CDH4: variants seen among roughly 807,000 people sequenced by gnomAD.
The protein encoded by CDH4 is cadherin-4.
In CDH4, 33 loss-of-function variants were observed where a neutral mutation model predicts 86.0. The ratio of observed to expected loss-of-function variants is 0.38; its 90% CI spans 0.29 to 0.51. The LOEUF (loss-of-function observed/expected upper bound fraction) is 0.51, where lower values mean the gene tolerates loss of function less well. CDH4 is among the 20% of genes least tolerant of loss of function. The probability of loss-of-function intolerance (pLI) is 0.86; values close to 1 mark genes in which losing one functional copy is unlikely to be tolerated. For missense variants in CDH4, 1,114 were observed against 1,307.4 expected (o/e 0.85, Z 2.28); for synonymous variants, 555 against 549.4 (o/e 1.01, Z -0.14).
At position 61,706,045 on chromosome 20, in the gene CDH4, CCAGA is replaced by C. The variant is rs1330607027; in HGVS notation, c.170-37513_170-37510del. 1.2e-4 allele frequency among the ~76,000 whole-genome samples: 18 copies of C among 152,334 alleles called. No homozygotes were observed. The East Asian group carries it at 3.1e-3, about 26-fold the overall frequency. ...GATCTGAAAGCCCTGTTCTTCCCTT[CCAGA>C]CAGAGAGCAAGCCGTCCCACCCCAT... is the stretch of plus-strand genomic sequence containing the variant. On this transcript the variant is annotated intron_variant, in intron 2 of 15. Transcript: ENST00000614565.
intron 4 of CDH4, among the ~76,000 whole-genome samples, chr20:61,796,116 C>T (rs1334723634): frequency 4.6e-5 from 7 of 152,178 alleles, no homozygotes; most frequent in African/African-American, 1.7e-4. Context: ...CCGCTGCCTC[C>T]TCACCCTGTG....
intron 2 of CDH4, among the ~76,000 whole-genome samples, chr20:61,535,337 G>A (rs1319418576): frequency 1.3e-5 from 2 of 152,202 alleles, no homozygotes; most frequent in South Asian, 2.1e-4. Flanking sequence ...GGACAGCCCC[G>A]GGGCGGCCCT....
chr20:61,408,114 G>A (rs6587265), intron 2 of CDH4, among the ~76,000 whole-genome samples: 2,543 of 152,168 alleles, frequency 0.017, 91 homozygotes, highest in African/African-American at 0.058. Flanking sequence ...CCTCTCCATC[G>A]TCAAGTGTCC....
At chr20:61,793,866 C>T (rs112184550) in intron 4 of CDH4, among the ~76,000 whole-genome samples, 29,057 of 142,484 alleles carry the variant, frequency 0.2, 3,029 homozygotes, top group Admixed American at 0.25. Flanking sequence ...AGGCCAGGTA[C>T]GGTGGCTCAC....
At chr20:61,587,911 T>C (rs769141215) in intron 2 of CDH4, among the ~76,000 whole-genome samples, 2 of 152,164 alleles carry the variant, frequency 1.3e-5, no homozygotes, top group Non-Finnish European at 2.9e-5. Flanking sequence ...CCACGTTAAA[T>C]TGATTCTCAC....
At chr20:61,772,727 C>T (rs2088788316) in intron 3 of CDH4, among the ~76,000 whole-genome samples, 1 of 152,136 alleles carries the variant, frequency 6.6e-6, no homozygotes. Flanking sequence ...GTGACATTGT[C>T]CACTATATTT....
intron 3 of CDH4, among the ~76,000 whole-genome samples, chr20:61,759,478 A>G (rs1381475520): frequency 6.6e-6 from 1 of 152,166 alleles, no homozygotes; most frequent in Non-Finnish European, 1.5e-5. Flanking sequence ...TCTGGGCGCC[A>G]GGGCTCTGGA....
At chr20:61,515,020 G>T (rs187121782) in intron 2 of CDH4, among the ~76,000 whole-genome samples, 2 of 152,224 alleles carry the variant, frequency 1.3e-5, no homozygotes, top group African/African-American at 4.8e-5. Flanking sequence ...AAAACAAGAC[G>T]CCAGCTCTTC....
intron 2 of CDH4, among the ~76,000 whole-genome samples, chr20:61,495,032 G>A (rs2085650462): frequency 1.3e-5 from 2 of 152,250 alleles, no homozygotes; most frequent in Admixed American, 1.3e-4. Context: ...AGTAACAGGG[G>A]CTGAGTTCAA....
At chr20:61,844,583 A>G (rs1982339073) in intron 4 of CDH4, 85 bp from the exon 5 acceptor site, 13 of 1,340,408 alleles carry the variant, frequency 9.7e-6, no homozygotes, top group Middle Eastern at 1.9e-4. Context: ...CGAGGAACTC[A>G]TGAGAGGGGA....
At chr20:61,806,673 C>A (rs962679068) in intron 4 of CDH4, among the ~76,000 whole-genome samples, 1 of 152,308 alleles carries the variant, frequency 6.6e-6, no homozygotes. Flanking sequence ...AGCTGCCTCA[C>A]CTTTCCCTTG....
At chr20:61,525,053 G>A (rs929216108) in intron 2 of CDH4, among the ~76,000 whole-genome samples, 4 of 152,178 alleles carry the variant, frequency 2.6e-5, no homozygotes, top group African/African-American at 4.8e-5. Flanking sequence ...GAAATTATGC[G>A]GGGCGGGTCA....
chr20:61,284,848 G>A (rs533349161), intron 2 of CDH4, among the ~76,000 whole-genome samples: 5 of 152,178 alleles, frequency 3.3e-5, no homozygotes, highest in African/African-American at 9.7e-5. Flanking sequence ...GCCAGATGTC[G>A]GGACCCACTC....
Position 61,934,320 on chromosome 20 carries a change from T to C in CDH4, c.2544+100T>C, listed in dbSNP as rs889884374. 58 of 1,319,796 alleles carry C rather than the reference T, an allele frequency of 4.4e-5. No individual in the cohort carries two copies. In the South Asian group the frequency reaches 7.9e-4, roughly 18 times the overall value. The allele number at this position is 1,319,796 out of a possible 1,614,324, so 81.8% of individuals were successfully genotyped here. A position where few individuals can be genotyped will look rare whatever the true frequency, so the allele number is the denominator to read the frequency against. On this transcript the variant is annotated intron_variant, in intron 15 of 15. Transcript: ENST00000614565. ...AAGCCATCTCCACAGTGCCGGCGGC[T>C]GCCGTGGGTGGGAGGCAGCTCAGAC...
intron 3 of CDH4, among the ~76,000 whole-genome samples, chr20:61,755,906 TC>T (rs2088559529): frequency 6.6e-6 from 1 of 152,168 alleles, no homozygotes; most frequent in African/African-American, 2.4e-5. Flanking sequence ...GAAAAAGAGT[TC>T]TGTGTATGGT....
chr20:61,485,476 G>A (rs550855734), intron 2 of CDH4, among the ~76,000 whole-genome samples: 3 of 152,178 alleles, frequency 2.0e-5, no homozygotes, highest in Non-Finnish European at 4.4e-5. Flanking sequence ...GTTGGGTCCC[G>A]GAGATGCACA....
chr20:61,441,360 A>G (rs1000460043), intron 2 of CDH4, among the ~76,000 whole-genome samples: 2 of 152,348 alleles, frequency 1.3e-5, no homozygotes, highest in East Asian at 1.9e-4. Context: ...CCAGGGCCTC[A>G]CAGCTAGTTG....
chr20:61,655,171 A>G (rs1277073017), intron 2 of CDH4, among the ~76,000 whole-genome samples: 2 of 152,202 alleles, frequency 1.3e-5, no homozygotes, highest in South Asian at 2.1e-4. Context: ...ATATGTGTAT[A>G]TGTCTGCTTG....
intron 2 of CDH4, among the ~76,000 whole-genome samples, chr20:61,371,010 C>T (rs575804280): frequency 8.5e-5 from 13 of 152,346 alleles, no homozygotes; most frequent in Middle Eastern, 3.4e-3. Context: ...GGGAACGGGG[C>T]GGGAGCGCGC....
Sources: gnomAD v4.1 joint callset for allele counts (sites outside exome capture counted in the v4.1 genomes callset) on GRCh38, gnomAD v4.1.1 for gene constraint, MANE v1.5 for transcripts, NCBI Gene and HGNC (gene_info 2026-07-23, HGNC 2026-07-21) for gene names.